Variants in USH2A observed in about 807,000 individuals in gnomAD.
USH2A encodes Usher syndrome 2A (autosomal recessive, mild).
Under a neutral mutation model 538.9 loss-of-function variants are expected in USH2A, and 443 were observed. That is an observed-to-expected ratio of 0.82 (90% confidence interval 0.76 to 0.89). The LOEUF (loss-of-function observed/expected upper bound fraction) is 0.89, where lower values mean the gene tolerates loss of function less well. Among genes scored for constraint, USH2A ranks in the 40% least tolerant of loss-of-function variants. The pLI is 0.00. For missense variants in USH2A, 6,633 were observed against 6,324.8 expected, an observed-to-expected ratio of 1.05 and a Z score of -1.65; for synonymous variants, 2,413 against 2,273.5, an observed-to-expected ratio of 1.06 and a Z score of -1.75.
At chr1:215,810,109 G>A (rs1420245799) in intron 49 of USH2A, among the ~76,000 whole-genome samples, 1 of 152,124 alleles carries the variant, frequency 6.6e-6, no homozygotes, top group Non-Finnish European at 1.5e-5. Flanking sequence ...GCATTCTAAT[G>A]CTATGAAAAA....
chr1:216,072,200 C>T (rs2031579486), intron 29 of USH2A, among the ~76,000 whole-genome samples: 1 of 152,136 alleles, frequency 6.6e-6, no homozygotes, highest in African/African-American at 2.4e-5. Context: ...AGTAGAATGT[C>T]ACTGATTCAC....
chr1:215,836,565 A>AATATATATATATATATTTTTTTT (rs1663536970), intron 47 of USH2A, among the ~76,000 whole-genome samples: 1 of 32,878 alleles, frequency 3.0e-5, no homozygotes, highest in Non-Finnish European at 5.8e-5. Flanking sequence ...ATATATATAT[A>AATATATATATATATATTTTTTTT]TTTTTTTTTG....
intron 50 of USH2A, among the ~76,000 whole-genome samples, chr1:215,796,438 A>G (rs1162148777): frequency 6.6e-6 from 1 of 151,424 alleles, no homozygotes; most frequent in African/African-American, 2.4e-5. Context: ...TTTAATTTTT[A>G]TATTTTATAT....
chr1:216,075,876 A>T lies in USH2A; in HGVS notation c.5572+2213T>A, dbSNP rs1158032156. Among the ~76,000 whole-genome samples, 4 of 152,010 alleles carry T rather than the reference A, an allele frequency of 2.6e-5. No homozygotes were observed. The South Asian group carries it at 6.2e-4, about 24-fold the overall frequency. On this transcript the variant is annotated intron_variant, in intron 27 of 71. Transcript: ENST00000307340. ...GTAGATTAAAAAAAAAATAGCACTA[A>T]TATGACCACAAAATAGAGCTTCTGA...
chr1:216,155,398 T>C (rs1386292702), intron 21 of USH2A, among the ~76,000 whole-genome samples: 2 of 152,184 alleles, frequency 1.3e-5, no homozygotes, highest in African/African-American at 4.8e-5. Context: ...CTCCTATAGA[T>C]AACATCACTA....
At chr1:216,037,685 T>G (rs542811820) in intron 32 of USH2A, among the ~76,000 whole-genome samples, 1 of 152,224 alleles carries the variant, frequency 6.6e-6, no homozygotes, top group East Asian at 1.9e-4. Flanking sequence ...CTCAACTTTT[T>G]TTTAACTTTT....
chr1:216,240,085 A>C (rs1209247125), intron 13 of USH2A, among the ~76,000 whole-genome samples: 1 of 151,852 alleles, frequency 6.6e-6, no homozygotes, highest in East Asian at 1.9e-4. Flanking sequence ...AGAAAAAGCT[A>C]AGCTCTTGCA....
chr1:215,755,309 G>C (rs1377898485), intron 58 of USH2A, among the ~76,000 whole-genome samples: 1 of 152,124 alleles, frequency 6.6e-6, no homozygotes, highest in East Asian at 1.9e-4. Context: ...ATTCAGCTCT[G>C]TCTGTGATGT....
At chr1:216,226,442 C>A (rs1188145403) in intron 14 of USH2A, among the ~76,000 whole-genome samples, 1 of 152,262 alleles carries the variant, frequency 6.6e-6, no homozygotes, top group South Asian at 2.1e-4. Context: ...ATAAAGGCAG[C>A]AAGTCTATAA....
intron 4 of USH2A, among the ~76,000 whole-genome samples, chr1:216,362,383 A>G (rs1571741361): frequency 1.3e-5 from 2 of 152,270 alleles, no homozygotes; most frequent in East Asian, 1.9e-4. Context: ...TCAGCATTCA[A>G]CAATATTTTT....
At chr1:216,344,264 A>T (rs1309941552) in intron 4 of USH2A, among the ~76,000 whole-genome samples, 1 of 152,136 alleles carries the variant, frequency 6.6e-6, no homozygotes, top group Non-Finnish European at 1.5e-5. Context: ...TTAGTAACAG[A>T]AAGAGTCTCC....
chr1:216,336,826 A>C (rs549568379), intron 4 of USH2A, among the ~76,000 whole-genome samples: 2 of 151,654 alleles, frequency 1.3e-5, no homozygotes, highest in African/African-American at 4.8e-5. Flanking sequence ...ATTACAGGAA[A>C]ATTCTTTGTG....
chr1:215,982,543 C>T (rs1352989604), intron 35 of USH2A, among the ~76,000 whole-genome samples: 1 of 152,198 alleles, frequency 6.6e-6, no homozygotes, highest in East Asian at 1.9e-4. Flanking sequence ...GCTATCTTTT[C>T]ATTTAAAATT....
chr1:215,920,427 A>G (rs1292126077), intron 38 of USH2A, among the ~76,000 whole-genome samples: 1 of 152,078 alleles, frequency 6.6e-6, no homozygotes, highest in Non-Finnish European at 1.5e-5. Context: ...TTACAGGTTA[A>G]TTTTCAACTG....
At chr1:216,372,329 C>T (rs1330039163) in intron 3 of USH2A, among the ~76,000 whole-genome samples, 1 of 152,076 alleles carries the variant, frequency 6.6e-6, no homozygotes, top group Non-Finnish European at 1.5e-5. Flanking sequence ...TTCACACACC[C>T]CAAACCAACA....
chr1:215,720,051 T>C (rs1217454824), intron 61 of USH2A, among the ~76,000 whole-genome samples: 1 of 152,042 alleles, frequency 6.6e-6, no homozygotes, highest in East Asian at 1.9e-4. Flanking sequence ...GAAAAATAGG[T>C]GGTAAGTAAC....
At chr1:216,148,178 A>G (rs576906168) in intron 21 of USH2A, among the ~76,000 whole-genome samples, 453 of 151,946 alleles carry the variant, frequency 3.0e-3, no homozygotes, top group African/African-American at 9.5e-3. Context: ...CCTTGCCTCC[A>G]TAACTGTTGT....
chr1:216,420,489 G>A (rs1194762770), intron 2 of USH2A, among the ~76,000 whole-genome samples: 1 of 151,646 alleles, frequency 6.6e-6, no homozygotes, highest in Admixed American at 6.6e-5. Flanking sequence ...ATTCCCAAAG[G>A]TATTTTAATT....
chr1:216,291,244 C>T (rs1017517285), intron 10 of USH2A, among the ~76,000 whole-genome samples: 3 of 152,078 alleles, frequency 2.0e-5, no homozygotes, highest in Admixed American at 1.3e-4. Context: ...GCCATTTGCC[C>T]ATCTTATGGT....
Sources: allele counts gnomAD v4.1 joint callset (sites outside exome capture counted in the v4.1 genomes callset), GRCh38; gene constraint gnomAD v4.1.1; transcripts MANE v1.5; gene names NCBI Gene and HGNC (gene_info 2026-07-23, HGNC 2026-07-21).